The following RNF138 variants were observed in gnomAD, a reference collection of about 807,000 sequenced individuals.
RNF138 encodes the protein E3 ubiquitin-protein ligase RNF138.
A neutral mutation model predicts 31.0 loss-of-function variants in RNF138; 12 were observed. The ratio of observed to expected loss-of-function variants is 0.39; its 90% CI spans 0.25 to 0.63. RNF138 has a LOEUF of 0.63. RNF138 is among the 20% of genes least tolerant of loss of function. RNF138 has a pLI of 0.52. For synonymous variants in RNF138, 105 were observed against 99.5 expected (o/e 1.06, Z -0.33); for missense variants, 192 against 300.1 (o/e 0.64, Z 2.66).
intron 2 of RNF138, among the ~76,000 whole-genome samples, chr18:32,104,652 G>T (rs981641044): frequency 4.6e-5 from 7 of 151,986 alleles, no homozygotes; most frequent in Admixed American, 2.6e-4. Context: ...ATTAATAGAA[G>T]AAAAACGTCA....
chr18:32,097,862 C>T (rs535270581), intron 2 of RNF138, among the ~76,000 whole-genome samples: 140 of 151,672 alleles, frequency 9.2e-4, no homozygotes, highest in Non-Finnish European at 1.4e-3. Flanking sequence ...CTCTGTTGCT[C>T]GGGCTATATA....
chr18:32,111,034 C>T (rs148227099), intron 2 of RNF138, among the ~76,000 whole-genome samples: 1,586 of 152,322 alleles, frequency 0.01, 24 homozygotes, highest in African/African-American at 0.036. Flanking sequence ...CCTGCTTCAG[C>T]GTCCCAAAGT....
intron 2 of RNF138, among the ~76,000 whole-genome samples, chr18:32,093,587 GCTTA>G (rs1184947963): frequency 1.3e-5 from 2 of 152,134 alleles, no homozygotes; most frequent in African/African-American, 2.4e-5. Flanking sequence ...TTACCTTTCT[GCTTA>G]CTTATTACTT....
rs547020734 is a variant in RNF138 at position 32,126,587 on chromosome 18, C to T, written c.562-106C>T. 979 of 631,358 alleles carry T rather than the reference C, an allele frequency of 1.6e-3. 1 individual carries two copies. Among genetic ancestry groups the T allele is most frequent in the Non-Finnish European group, 2.3e-3 (861 of 367,008 alleles). The allele number at this position is 631,358 out of a possible 1,614,324, so 39.1% of individuals were successfully genotyped here. A position where few individuals can be genotyped will look rare whatever the true frequency, so the allele number is the denominator to read the frequency against. On this transcript the variant is annotated intron_variant, in intron 6 of 7. Coordinates refer to ENST00000261593, the MANE Select transcript of RNF138 (RefSeq NM_016271.5). Reference sequence around the variant, plus strand: ...ACTTGGCCTTTAAAAATGCTTCTCACGTAGATATTTTTGGTAACATATCCC... The same window carrying T: ...ACTTGGCCTTTAAAAATGCTTCTCATGTAGATATTTTTGGTAACATATCCC...
At chr18:32,111,007 C>T (rs1271071519) in intron 2 of RNF138, among the ~76,000 whole-genome samples, 2 of 152,176 alleles carry the variant, frequency 1.3e-5, no homozygotes, top group African/African-American at 4.8e-5. Context: ...GTCTTGATCT[C>T]CTGACCACGT....
Position 32,100,462 on chromosome 18 carries a change from A to G in RNF138, c.110+7576A>G, listed in dbSNP as rs549960775. On this transcript the variant is annotated intron_variant, in intron 2 of 7. Transcript: ENST00000261593. ...ACAGGCATGTGCCACCACCACACCC[A>G]ACTAACTTTTTTTTTTTTTTTTTTT... 3.0e-3 allele frequency among the ~76,000 whole-genome samples: 404 copies of G among 136,110 alleles called. 3 individuals carry two copies. The highest frequency in any genetic ancestry group is 0.011 in the African/African-American group (388 of 36,760). The allele number at this position is 136,110 out of a possible 152,430, so 89.3% of individuals were successfully genotyped here. A position where few individuals can be genotyped will look rare whatever the true frequency, so the allele number is the denominator to read the frequency against.
In RNF138 at chr18:32,129,296, T is replaced by G. The variant is rs1236098564; in HGVS notation, c.*109T>G. The G allele has an allele frequency of 3.8e-5, 26 of 681,108 alleles. 1 individual carries two copies. In the South Asian group the frequency reaches 4.9e-4, roughly 13 times the overall value. The allele number at this position is 681,108 out of a possible 1,614,324, so 42.2% of individuals were successfully genotyped here. A position where few individuals can be genotyped will look rare whatever the true frequency, so the allele number is the denominator to read the frequency against. On this transcript the variant is annotated 3_prime_UTR_variant, in exon 8 of 8. Transcript: ENST00000261593. The stretch of plus-strand genomic sequence containing the variant: ...TGATGTGTATATTAATAAAAGTAAT[T>G]CAGTCATTTTAGTTTTTGATTGAAA...
At chr18:32,096,317 GGAGA>G (rs1362511439) in intron 2 of RNF138, among the ~76,000 whole-genome samples, 3 of 152,126 alleles carry the variant, frequency 2.0e-5, no homozygotes, top group Non-Finnish European at 4.4e-5. Context: ...GATGTGTCAG[GGAGA>G]GAAATGATTA....
intron 2 of RNF138, 52 bp from the exon 3 acceptor site, chr18:32,111,702 G>A: frequency 5.7e-6 from 8 of 1,392,962 alleles, no homozygotes; most frequent in Non-Finnish European, 3.0e-6. Flanking sequence ...TAATTATAGA[G>A]ATGAAGAGAG....
chr18:32,098,340 G>A (rs929694255), intron 2 of RNF138, among the ~76,000 whole-genome samples: 1 of 151,748 alleles, frequency 6.6e-6, no homozygotes, highest in Non-Finnish European at 1.5e-5. Flanking sequence ...TTAGAGATGG[G>A]GTCTTGCTTT....
At chr18:32,123,404 C>A in intron 4 of RNF138, 114 bp from the exon 5 acceptor site, 2 of 646,574 alleles carry the variant, frequency 3.1e-6, no homozygotes, top group South Asian at 6.9e-5. Flanking sequence ...TATTGAAGTT[C>A]AGACTTTTAA....
intron 4 of RNF138, among the ~76,000 whole-genome samples, chr18:32,117,942 A>G (rs1209944006): frequency 6.6e-6 from 1 of 152,234 alleles, no homozygotes; most frequent in Non-Finnish European, 1.5e-5. Context: ...ATTAAGATAC[A>G]GAAGACATTT....
chr18:32,127,271 C>T (rs190106755), intron 7 of RNF138, among the ~76,000 whole-genome samples: 320 of 152,108 alleles, frequency 2.1e-3, no homozygotes, highest in Non-Finnish European at 4.0e-3. Flanking sequence ...TACAAAGAGA[C>T]TAAGAGTGTA....
chr18:32,124,087 C>T (rs2040348996), intron 5 of RNF138: 1 of 152,556 alleles, frequency 6.6e-6, no homozygotes, highest in Admixed American at 6.5e-5. Flanking sequence ...TAGTTATTCT[C>T]TTTCACTGTG....
At chr18:32,102,444 G>A (rs1405074594) in intron 2 of RNF138, among the ~76,000 whole-genome samples, 4 of 150,164 alleles carry the variant, frequency 2.7e-5, no homozygotes, top group African/African-American at 7.4e-5. Context: ...CTCGTGATCC[G>A]CCTGCCTCAG....
chr18:32,103,905 C>T (rs1454353856), intron 2 of RNF138, among the ~76,000 whole-genome samples: 1 of 151,220 alleles, frequency 6.6e-6, no homozygotes, highest in Non-Finnish European at 1.5e-5. Context: ...GCAGAGCTTG[C>T]AGTGAGCTGA....
At chr18:32,098,978 A>G (rs1420935044) in intron 2 of RNF138, among the ~76,000 whole-genome samples, 1 of 150,698 alleles carries the variant, frequency 6.6e-6, no homozygotes, top group Admixed American at 6.6e-5. Context: ...AAATAGATAG[A>G]CTAAGTGCCA....
intron 2 of RNF138, among the ~76,000 whole-genome samples, chr18:32,097,652 C>T (rs1005317905): frequency 6.6e-6 from 1 of 151,940 alleles, no homozygotes; most frequent in Non-Finnish European, 1.5e-5. Flanking sequence ...GGACTACAGG[C>T]ATGCACCACC....
chr18:32,094,591 C>T (rs2039771101), intron 2 of RNF138, among the ~76,000 whole-genome samples: 2 of 151,582 alleles, frequency 1.3e-5, no homozygotes, highest in African/African-American at 2.4e-5. Flanking sequence ...AGGGTCAGCA[C>T]ATTACCCATC....
Sources: gnomAD v4.1 joint callset for allele counts (sites outside exome capture counted in the v4.1 genomes callset) on GRCh38, gnomAD v4.1.1 for gene constraint, MANE v1.5 for transcripts, NCBI Gene and HGNC (gene_info 2026-07-23, HGNC 2026-07-21) for gene names.